FSCN2: variants seen among roughly 807,000 people sequenced by gnomAD.
FSCN2 encodes the protein fascin actin-bundling protein 2, retinal.
FSCN2 carries 46 observed loss-of-function variants against 37.8 expected under a neutral mutation model. The observed-to-expected ratio is 1.22, with a 90% confidence interval of 0.96 to 1.56. FSCN2 has a LOEUF of 1.56. FSCN2 is among the 40% of genes most tolerant of loss of function. The probability of loss-of-function intolerance (pLI) is 0.00; values close to 1 mark genes in which losing one functional copy is unlikely to be tolerated. For missense variants in FSCN2, 844 were observed against 730.4 expected (o/e 1.16, Z -1.79); for synonymous variants, 351 against 309.4 (o/e 1.13, Z -1.41).
the FSCN2 span, among the ~76,000 whole-genome samples, chr17:81,518,500 G>C: frequency 2.0e-5 from 3 of 152,310 alleles, no homozygotes; most frequent in East Asian, 5.8e-4. Flanking sequence ...AGGAAGGCTA[G>C]GCCGATTCGC....
chr17:81,524,023 T>C (rs2032278175), upstream of FSCN2, among the ~76,000 whole-genome samples: 1 of 151,850 alleles, frequency 6.6e-6, no homozygotes, highest in South Asian at 2.1e-4. Context: ...TTGGGGTCCT[T>C]CCCCTTGGAG....
chr17:81,536,520 G>T, intron 3 of FSCN2, 102 bp from the exon 4 acceptor site: 1 of 1,554,596 alleles, frequency 6.4e-7, no homozygotes, highest in Non-Finnish European at 8.6e-7. Flanking sequence ...GCAGGCCTGG[G>T]TCCCTAAGTC....
At chr17:81,518,461 A>G in the FSCN2 span, among the ~76,000 whole-genome samples, 1 of 152,014 alleles carries the variant, frequency 6.6e-6, no homozygotes, top group East Asian at 1.9e-4. Flanking sequence ...GAGAGGGAGG[A>G]GTTCCCAGCC....
intron 1 of FSCN2, among the ~76,000 whole-genome samples, chr17:81,532,372 T>G (rs1360522159): frequency 2.1e-5 from 3 of 144,038 alleles, no homozygotes; most frequent in African/African-American, 8.5e-5. Flanking sequence ...ATGGTGATGG[T>G]GATGATAGTG....
chr17:81,518,600 CCT>C, the FSCN2 span, among the ~76,000 whole-genome samples: 1 of 152,188 alleles, frequency 6.6e-6, no homozygotes, highest in Non-Finnish European at 1.5e-5. Context: ...CCGCACGGAC[CCT>C]CTCCTGCCCG....
At chr17:81,534,998 C>T (rs1197912293) in intron 1 of FSCN2, 54 bp from the exon 2 acceptor site, 3 of 1,401,078 alleles carry the variant, frequency 2.1e-6, no homozygotes, top group Non-Finnish European at 1.9e-6. Context: ...ATGCCCCCTC[C>T]CCTGCTCCCT....
At chr17:81,531,512 G>GGTGATGATGATGATA (rs2032599549) in intron 1 of FSCN2, among the ~76,000 whole-genome samples, 1 of 134,002 alleles carries the variant, frequency 7.5e-6, no homozygotes, top group African/African-American at 3.5e-5. Context: ...TGGTGGTGAT[G>GGTGATGATGATGATA]GTGATGGTGG....
upstream of FSCN2, among the ~76,000 whole-genome samples, chr17:81,526,225 G>T (rs782188500): frequency 7.2e-5 from 11 of 152,356 alleles, no homozygotes; most frequent in Non-Finnish European, 1.2e-4. Context: ...CTGGCTGGGC[G>T]TTGGGGTGTG....
chr17:81,521,942 T>C, the FSCN2 span, among the ~76,000 whole-genome samples: 1 of 152,214 alleles, frequency 6.6e-6, no homozygotes, highest in Admixed American at 6.5e-5. Context: ...GTCCCAGAAA[T>C]GTCCTCCGTA....
chr17:81,517,653 C>T, the FSCN2 span, among the ~76,000 whole-genome samples: 5 of 152,138 alleles, frequency 3.3e-5, no homozygotes, highest in Non-Finnish European at 5.9e-5. Flanking sequence ...GAGAAGAAGG[C>T]TCCTTTCCCC....
At chr17:81,518,359 G>A in the FSCN2 span, among the ~76,000 whole-genome samples, 161 of 99,000 alleles carry the variant, frequency 1.6e-3, 1 homozygote, top group Middle Eastern at 0.013. Context: ...CCCTGTACCT[G>A]GCATAGCCCC....
At chr17:81,532,596 GTGA>G (rs1215658318) in intron 1 of FSCN2, among the ~76,000 whole-genome samples, 6 of 145,214 alleles carry the variant, frequency 4.1e-5, no homozygotes, top group Admixed American at 6.8e-5. Context: ...GATGGTGATG[GTGA>G]TGATGGTGAT....
upstream of FSCN2, among the ~76,000 whole-genome samples, chr17:81,524,201 C>T (rs934705893): frequency 6.6e-6 from 1 of 152,224 alleles, no homozygotes; most frequent in Non-Finnish European, 1.5e-5. Flanking sequence ...GCCCAGCTGG[C>T]CCCGCACTGA....
rs1374180757 is a variant in FSCN2 at position 81,532,167 on chromosome 17, ATGG to A, written c.826+2819_826+2821del. Among the ~76,000 whole-genome samples the A allele has an allele frequency of 6.7e-3, 809 of 121,502 alleles. 5 individuals are homozygous for A. Among genetic ancestry groups the A allele is most frequent in the Middle Eastern group, 0.02 (4 of 204 alleles). 79.7% of individuals were successfully genotyped at this position (121,502 alleles called of 152,430 possible). On this transcript the variant is annotated intron_variant, in intron 1 of 4. Transcript: ENST00000417245. Reference sequence around the variant, plus strand: ...GATGGTGATGGTGATGATGATGGTGATGGTGGTGGTGATGGTGGTGGTGATGGT... The same window carrying A: ...GATGGTGATGGTGATGATGATGGTGATGGTGGTGATGGTGGTGGTGATGGT...
At chr17:81,523,194 GTTCGGGAAGCTGCT>G in the FSCN2 span, among the ~76,000 whole-genome samples, 2 of 152,206 alleles carry the variant, frequency 1.3e-5, no homozygotes, top group Non-Finnish European at 2.9e-5. Flanking sequence ...CCCAACTGCA[GTTCGGGAAGCTGCT>G]TTCGGGGAGG....
At chr17:81,517,531 C>T in the FSCN2 span, among the ~76,000 whole-genome samples, 2 of 152,184 alleles carry the variant, frequency 1.3e-5, no homozygotes, top group Non-Finnish European at 2.9e-5. Context: ...ATGAGTAAGA[C>T]GTGCTCAGTG....
At chr17:81,532,413 A>ATGATGGTGATGG (rs1400619751) in intron 1 of FSCN2, among the ~76,000 whole-genome samples, 1 of 132,568 alleles carries the variant, frequency 7.5e-6, no homozygotes, top group Non-Finnish European at 1.6e-5. Context: ...AGTGATGGTG[A>ATGATGGTGATGG]TGATGGTGAT....
intron 1 of FSCN2, chr17:81,529,592 G>A: frequency 1.3e-6 from 1 of 745,754 alleles, no homozygotes; most frequent in African/African-American, 1.7e-5. Flanking sequence ...AGAGGCAAGG[G>A]TTCCTGGCCT....
Position 81,529,319 on chromosome 17 carries a change from TG to T in FSCN2, c.790del (p.Val264TrpfsTer24). ...DLEESHPQVV[L>X]VAANHRYVSV... ...GAGGAGAGTCACCCACAGGTGGTGC[TG>T]GTGGCTGCCAACCACCGCTACGTCT... On this transcript the variant is annotated frameshift_variant, in exon 1 of 5. Transcript: ENST00000417245. LOFTEE classifies it high-confidence loss of function. 6.4e-7 allele frequency: 1 copy of T among 1,560,040 alleles called. No homozygotes were observed. The highest frequency in any genetic ancestry group is 2.3e-5 in the East Asian group (1 of 44,224).
Sources: gnomAD v4.1 joint callset for allele counts (sites outside exome capture counted in the v4.1 genomes callset) on GRCh38, gnomAD v4.1.1 for gene constraint, MANE v1.5 for transcripts, NCBI Gene and HGNC (gene_info 2026-07-23, HGNC 2026-07-21) for gene names.